The following SGMS1 variants were observed in gnomAD, a reference collection of about 807,000 sequenced individuals.
The protein encoded by SGMS1 is sphingomyelin synthase 1, also known as phosphatidylcholine:ceramide cholinephosphotransferase 1.
In SGMS1, 13 loss-of-function variants were observed where a neutral mutation model predicts 46.2. The ratio of observed to expected loss-of-function variants is 0.28; its 90% CI spans 0.18 to 0.45. The LOEUF (loss-of-function observed/expected upper bound fraction) is 0.45, where lower values mean the gene tolerates loss of function less well. Among genes scored for constraint, SGMS1 ranks in the 20% least tolerant of loss-of-function variants. The pLI, the probability that SGMS1 is intolerant of heterozygous loss-of-function variation, is 1.00. For missense variants in SGMS1, 324 were observed against 519.9 expected (o/e 0.62, Z 3.66); for synonymous variants, 203 against 187.8 (o/e 1.08, Z -0.66).
intron 6 of SGMS1, among the ~76,000 whole-genome samples, chr10:50,359,343 T>C (rs1848208765): frequency 6.6e-6 from 1 of 152,166 alleles, no homozygotes; most frequent in African/African-American, 2.4e-5. Flanking sequence ...ACTTATGCAA[T>C]TGATAGTTTC....
chr10:50,493,061 A>G (rs1400386638), intron 3 of SGMS1, among the ~76,000 whole-genome samples: 2 of 152,186 alleles, frequency 1.3e-5, no homozygotes, highest in African/African-American at 2.4e-5. Context: ...TGCTGCTTCA[A>G]AACTATACTA....
intron 3 of SGMS1, among the ~76,000 whole-genome samples, chr10:50,517,091 T>TGCAGCATCCTCCTGGCTCC (rs1273160407): frequency 6.6e-6 from 1 of 152,210 alleles, no homozygotes; most frequent in Non-Finnish European, 1.5e-5. Flanking sequence ...GTCCTGGGTC[T>TGCAGCATCCTCCTGGCTCC]GTAGCATCCT....
At chr10:50,394,891 T>C (rs989308461) in intron 6 of SGMS1, among the ~76,000 whole-genome samples, 1 of 152,226 alleles carries the variant, frequency 6.6e-6, no homozygotes, top group African/African-American at 2.4e-5. Flanking sequence ...ATGACTATGA[T>C]TAAGCTTTTT....
chr10:50,505,858 G>C (rs117467678), intron 3 of SGMS1, among the ~76,000 whole-genome samples: 3 of 152,134 alleles, frequency 2.0e-5, no homozygotes, highest in African/African-American at 7.2e-5. Flanking sequence ...CCATATCTGC[G>C]GGGGGAGAGC....
chr10:50,562,184 C>T (rs1260378294), intron 2 of SGMS1, among the ~76,000 whole-genome samples: 1 of 152,136 alleles, frequency 6.6e-6, no homozygotes, highest in Non-Finnish European at 1.5e-5. Context: ...ATGAATGAAA[C>T]TACCACTCTA....
chr10:50,432,679 T>C (rs1849419659), intron 6 of SGMS1, among the ~76,000 whole-genome samples: 1 of 152,206 alleles, frequency 6.6e-6, no homozygotes, highest in Non-Finnish European at 1.5e-5. Context: ...GGAAGAAAAG[T>C]AAATATGATT....
intron 6 of SGMS1, among the ~76,000 whole-genome samples, chr10:50,388,393 GGAA>G (rs1163271684): frequency 3.3e-5 from 5 of 151,596 alleles, no homozygotes; most frequent in African/African-American, 9.7e-5. Context: ...CAGCACTTTG[GGAA>G]GAAGAAGTGG....
chr10:50,523,608 A>T (rs1837874409), intron 2 of SGMS1, among the ~76,000 whole-genome samples: 1 of 152,210 alleles, frequency 6.6e-6, no homozygotes, highest in South Asian at 2.1e-4. Flanking sequence ...TGCTCTTCTT[A>T]ATTTCTCTTG....
intron 2 of SGMS1, among the ~76,000 whole-genome samples, chr10:50,538,116 A>T (rs932605442): frequency 8.7e-5 from 13 of 149,872 alleles, no homozygotes; most frequent in African/African-American, 3.0e-4. Context: ...AAATACAGAG[A>T]TTAAACAAAT....
chr10:50,449,346 C>T (rs1290397750), intron 5 of SGMS1, among the ~76,000 whole-genome samples: 1 of 152,072 alleles, frequency 6.6e-6, no homozygotes, highest in Non-Finnish European at 1.5e-5. Context: ...ACAATGATTT[C>T]CTTTTAGAGT....
intron 5 of SGMS1, among the ~76,000 whole-genome samples, chr10:50,456,330 C>T (rs1314704537): frequency 1.3e-5 from 2 of 151,084 alleles, no homozygotes; most frequent in Admixed American, 6.6e-5. Context: ...CTTTGTCCTC[C>T]CTCACCCCTT....
intron 5 of SGMS1, among the ~76,000 whole-genome samples, chr10:50,443,805 T>C (rs1849575276): frequency 1.3e-5 from 2 of 152,100 alleles, no homozygotes; most frequent in South Asian, 4.1e-4. Context: ...AAGTATAATA[T>C]TGTATTATAT....
chr10:50,476,005 A>G (rs1448038541), intron 3 of SGMS1, among the ~76,000 whole-genome samples: 2 of 140,880 alleles, frequency 1.4e-5, no homozygotes, highest in Non-Finnish European at 3.0e-5. Context: ...TAATCCCAGC[A>G]TTTTGGGTAG....
At chr10:50,587,602 C>A (rs2131886551) in intron 2 of SGMS1, among the ~76,000 whole-genome samples, 1 of 148,190 alleles carries the variant, frequency 6.7e-6, no homozygotes, top group East Asian at 2.0e-4. Flanking sequence ...CCAGCCTGGG[C>A]AACAGAGCAA....
chr10:50,413,521 C>T (rs1239517855), intron 6 of SGMS1, among the ~76,000 whole-genome samples: 1 of 152,212 alleles, frequency 6.6e-6, no homozygotes, highest in Non-Finnish European at 1.5e-5. Context: ...GATTTCTCGA[C>T]CATAACACTA....
At chr10:50,519,790 T>C (rs532902135) in intron 3 of SGMS1, 41 bp downstream of exon 3, 4 of 152,486 alleles carry the variant, frequency 2.6e-5, no homozygotes, top group African/African-American at 9.6e-5. Context: ...TTCAGAACCA[T>C]GAGTTCTTTG....
At chr10:50,384,387 C>T (rs10458673) in intron 6 of SGMS1, among the ~76,000 whole-genome samples, 25,034 of 148,754 alleles carry the variant, frequency 0.17, 2,528 homozygotes, top group East Asian at 0.26. Context: ...CTTTCTTTTT[C>T]TCTCTCTCTC....
At chr10:50,583,345 AC>A (rs1838452232) in intron 2 of SGMS1, among the ~76,000 whole-genome samples, 1 of 151,960 alleles carries the variant, frequency 6.6e-6, no homozygotes, top group Admixed American at 6.6e-5. Flanking sequence ...ACCTCCCAGC[AC>A]CCCCAATCCT....
intron 6 of SGMS1, 43 bp from the exon 7 acceptor site, chr10:50,344,388 T>C: frequency 2.5e-6 from 1 of 399,420 alleles, no homozygotes; most frequent in Non-Finnish European, 4.5e-6. Context: ...TACTTCCAAA[T>C]TACCCCTCTC....
Sources: allele counts gnomAD v4.1 joint callset (sites outside exome capture counted in the v4.1 genomes callset), GRCh38; gene constraint gnomAD v4.1.1; transcripts MANE v1.5; gene names NCBI Gene and HGNC (gene_info 2026-07-23, HGNC 2026-07-21).